The following FRMPD4 variants were observed in gnomAD, a reference collection of about 807,000 sequenced individuals.
The protein encoded by FRMPD4 is FERM and PDZ domain-containing protein 4.
FRMPD4 carries 22 observed loss-of-function variants against 94.1 expected under a neutral mutation model. The observed-to-expected ratio is 0.23, with a 90% CI of 0.17 to 0.33. The LOEUF (loss-of-function observed/expected upper bound fraction) is 0.33, where lower values mean the gene tolerates loss of function less well. Ranked by LOEUF, FRMPD4 falls within the 10% of genes least tolerant of loss-of-function variation. FRMPD4 has a pLI of 1.00. For missense variants in FRMPD4, 1,111 were observed against 1,339.9 expected, an observed-to-expected ratio of 0.83 and a Z score of 2.67; for synonymous variants, 631 against 548.6, an observed-to-expected ratio of 1.15 and a Z score of -2.10.
chrX:12,146,060 C>A (rs1057257576), intron 1 of FRMPD4, among the ~76,000 whole-genome samples: 1 of 111,429 alleles, frequency 9.0e-6, no homozygotes, highest in African/African-American at 3.3e-5. Context: ...TCACTTGGTT[C>A]CTTTGAGAAC....
intron 3 of FRMPD4, among the ~76,000 whole-genome samples, chrX:12,014,899 A>G (rs1318671941): frequency 9.0e-6 from 1 of 111,687 alleles, no homozygotes; most frequent in East Asian, 2.8e-4. Context: ...TGATGATTAA[A>G]GTGCAAATCT....
At chrX:12,400,247 A>C (rs1050713447) in intron 1 of FRMPD4, among the ~76,000 whole-genome samples, 1 of 112,343 alleles carries the variant, frequency 8.9e-6, no homozygotes, top group Non-Finnish European at 1.9e-5. Flanking sequence ...TTTAGAAAGT[A>C]AGTCGAACCA....
intron 2 of FRMPD4, among the ~76,000 whole-genome samples, chrX:12,520,271 G>C (rs2058147359): frequency 8.9e-6 from 1 of 111,876 alleles, no homozygotes; most frequent in African/African-American, 3.3e-5. Flanking sequence ...AAATAAGCCA[G>C]TTCCAAAGGA....
At chrX:12,178,167 A>AG (rs1435993651) in intron 1 of FRMPD4, among the ~76,000 whole-genome samples, 4 of 111,748 alleles carry the variant, frequency 3.6e-5, no homozygotes, top group Admixed American at 1.9e-4. Context: ...TTGAGGATAC[A>AG]GCAAGAAGGC....
chrX:12,417,056 C>T (rs922885756), intron 1 of FRMPD4, among the ~76,000 whole-genome samples: 2 of 111,097 alleles, frequency 1.8e-5, no homozygotes, highest in Admixed American at 1.9e-4. Flanking sequence ...TCCGGGAGGG[C>T]GTGTCTGACT....
chrX:12,550,886 A>T (rs997179713), intron 2 of FRMPD4, among the ~76,000 whole-genome samples: 1 of 108,322 alleles, frequency 9.2e-6, no homozygotes, highest in African/African-American at 3.3e-5. Flanking sequence ...ATATTAATAT[A>T]TTCCCTTTTA....
intron 3 of FRMPD4, among the ~76,000 whole-genome samples, chrX:11,922,341 CA>C (rs1323985206): frequency 9.0e-6 from 1 of 111,096 alleles, no homozygotes; most frequent in Admixed American, 9.6e-5. Context: ...ATCTTTTAAA[CA>C]ACCAGATCTC....
intron 2 of FRMPD4, among the ~76,000 whole-genome samples, chrX:12,605,955 C>A (rs1009285991): frequency 2.7e-5 from 3 of 112,185 alleles, no homozygotes; most frequent in Non-Finnish European, 3.8e-5. Flanking sequence ...TGTCTGCTTT[C>A]TTTCCCAGTG....
chrX:11,847,485 G>C (rs1299523520), intron 1 of FRMPD4, among the ~76,000 whole-genome samples: 1 of 107,759 alleles, frequency 9.3e-6, no homozygotes, highest in Admixed American at 9.9e-5. Context: ...GATTCCTCAG[G>C]GATCTAGAAC....
chrX:12,610,513 A>AT (rs2059171574), intron 3 of FRMPD4, among the ~76,000 whole-genome samples: 2 of 112,549 alleles, frequency 1.8e-5, no homozygotes, highest in Admixed American at 1.9e-4. Flanking sequence ...TTGAGAGGCC[A>AT]AGGCTGGTGG....
At chrX:12,038,336 G>A (rs947243652) in intron 3 of FRMPD4, among the ~76,000 whole-genome samples, 17 of 112,067 alleles carry the variant, frequency 1.5e-4, no homozygotes, top group Non-Finnish European at 1.1e-4. Context: ...TCTAAGAGAT[G>A]TATAGTAATC....
intron 1 of FRMPD4, among the ~76,000 whole-genome samples, chrX:12,391,116 T>A (rs888470067): frequency 1.8e-5 from 2 of 111,844 alleles, no homozygotes; most frequent in African/African-American, 6.5e-5. Flanking sequence ...AGAGAAACAT[T>A]TAGAATTCTT....
chrX:12,229,731 T>C (rs1253197861), intron 1 of FRMPD4, among the ~76,000 whole-genome samples: 5 of 112,022 alleles, frequency 4.5e-5, no homozygotes, highest in African/African-American at 6.5e-5. Flanking sequence ...AGTTCCATTA[T>C]CTTCCTCCCT....
chrX:12,020,167 A>G (rs1022666186), intron 3 of FRMPD4, among the ~76,000 whole-genome samples: 2 of 111,691 alleles, frequency 1.8e-5, no homozygotes, highest in African/African-American at 6.5e-5. Context: ...CTATCTCCTG[A>G]TCTAGGTGCT....
At chrX:12,037,422 C>A (rs2054726303) in intron 3 of FRMPD4, among the ~76,000 whole-genome samples, 1 of 111,487 alleles carries the variant, frequency 9.0e-6, no homozygotes, top group South Asian at 3.8e-4. Flanking sequence ...CTTCCCATCA[C>A]CCTTGGCCCT....
chrX:12,448,458 G>A (rs891849974), intron 1 of FRMPD4, among the ~76,000 whole-genome samples: 1 of 112,198 alleles, frequency 8.9e-6, no homozygotes, highest in Non-Finnish European at 1.9e-5. Context: ...TTGCTAAAAT[G>A]TACAATGTAG....
intron 1 of FRMPD4, among the ~76,000 whole-genome samples, chrX:12,272,780 A>G (rs746640445): frequency 1.8e-5 from 2 of 111,978 alleles, no homozygotes; most frequent in Non-Finnish European, 3.8e-5. Context: ...AAGCTTAATG[A>G]AAGAAAAGGC....
chrX:12,521,207 T>G (rs2058158480), intron 2 of FRMPD4, among the ~76,000 whole-genome samples: 1 of 112,362 alleles, frequency 8.9e-6, no homozygotes, highest in South Asian at 3.7e-4. Context: ...GGCTATAGTT[T>G]GCAGACTCCC....
chrX:12,154,716 T>A (rs1255344888), intron 1 of FRMPD4, among the ~76,000 whole-genome samples: 1 of 113,031 alleles, frequency 8.8e-6, no homozygotes, highest in Admixed American at 9.3e-5. Flanking sequence ...ACATTTTAGC[T>A]GCAAGTAAAT....
Sources: allele counts gnomAD v4.1 joint callset (sites outside exome capture counted in the v4.1 genomes callset), GRCh38; gene constraint gnomAD v4.1.1; transcripts MANE v1.5; gene names NCBI Gene and HGNC (gene_info 2026-07-23, HGNC 2026-07-21).